The following CNTNAP5 variants were observed in gnomAD, a reference collection of about 807,000 sequenced individuals.
The protein encoded by CNTNAP5 is contactin associated protein family member 5, also known as contactin-associated protein-like 5.
A neutral mutation model predicts 150.2 loss-of-function variants in CNTNAP5; 72 were observed. That is an observed-to-expected ratio of 0.48 (90% CI 0.40 to 0.58). The LOEUF (loss-of-function observed/expected upper bound fraction) is 0.58. Among genes scored for constraint, CNTNAP5 ranks in the 20% least tolerant of loss-of-function variants. The probability of loss-of-function intolerance (pLI) is 0.00; values close to 1 mark genes in which losing one functional copy is unlikely to be tolerated. For missense variants in CNTNAP5, 1,636 were observed against 1,626.2 expected, an observed-to-expected ratio of 1.01 and a Z score of -0.10; for synonymous variants, 672 against 619.8, an observed-to-expected ratio of 1.08 and a Z score of -1.25.
intron 21 of CNTNAP5, among the ~76,000 whole-genome samples, chr2:124,884,016 C>T (rs1172340423): frequency 6.6e-6 from 1 of 152,032 alleles, no homozygotes; most frequent in Non-Finnish European, 1.5e-5. Flanking sequence ...CATGCACGTG[C>T]ATATGTGTAT....
chr2:124,032,191 C>G (rs959904855), intron 1 of CNTNAP5, among the ~76,000 whole-genome samples: 1 of 152,100 alleles, frequency 6.6e-6, no homozygotes, highest in Non-Finnish European at 1.5e-5. Context: ...ATGAGCATCT[C>G]ATACTGGCTG....
chr2:124,317,486 T>G (rs557419504), intron 3 of CNTNAP5, among the ~76,000 whole-genome samples: 1 of 152,276 alleles, frequency 6.6e-6, no homozygotes, highest in East Asian at 1.9e-4. Flanking sequence ...CCTGCCCATC[T>G]AGGCCCTGTC....
chr2:124,266,173 C>T (rs1687602387), intron 3 of CNTNAP5, among the ~76,000 whole-genome samples: 1 of 152,212 alleles, frequency 6.6e-6, no homozygotes, highest in South Asian at 2.1e-4. Context: ...ATGGTAAGGG[C>T]CCATCCAATG....
intron 13 of CNTNAP5, among the ~76,000 whole-genome samples, chr2:124,722,316 G>A (rs1223973177): frequency 6.6e-6 from 1 of 152,036 alleles, no homozygotes; most frequent in Non-Finnish European, 1.5e-5. Context: ...CTAAGTGTGA[G>A]ATCCAAAGTA....
intron 11 of CNTNAP5, among the ~76,000 whole-genome samples, chr2:124,586,093 A>G (rs1214250074): frequency 6.6e-6 from 1 of 152,174 alleles, no homozygotes; most frequent in African/African-American, 2.4e-5. Flanking sequence ...TTCCTATAGT[A>G]GGACTTCTCA....
intron 1 of CNTNAP5, among the ~76,000 whole-genome samples, chr2:124,147,294 G>A (rs1414588841): frequency 1.3e-5 from 2 of 152,100 alleles, no homozygotes; most frequent in East Asian, 3.9e-4. Flanking sequence ...TTCAATGCAT[G>A]TACTATATAT....
At chr2:124,195,003 T>G (rs1460683181) in intron 1 of CNTNAP5, among the ~76,000 whole-genome samples, 1 of 150,450 alleles carries the variant, frequency 6.6e-6, no homozygotes, top group Non-Finnish European at 1.5e-5. Context: ...ACTACACCAA[T>G]AGAAAACTGG....
intron 22 of CNTNAP5, among the ~76,000 whole-genome samples, chr2:124,904,819 T>A (rs966473154): frequency 2.6e-5 from 4 of 151,382 alleles, no homozygotes; most frequent in Non-Finnish European, 4.4e-5. Flanking sequence ...GTCTTGAAAA[T>A]ATATATATAT....
At chr2:124,033,100 G>T (rs1479692866) in intron 1 of CNTNAP5, among the ~76,000 whole-genome samples, 1 of 152,162 alleles carries the variant, frequency 6.6e-6, no homozygotes, top group African/African-American at 2.4e-5. Flanking sequence ...TAATTGATTT[G>T]CTGGCGTAAA....
Position 124,819,891 on chromosome 2 carries a change from C to G in CNTNAP5, c.3217+21571C>G, listed in dbSNP as rs564533058. ...GTGTGTCTCTTTCTTAAAGTTTCTT[C>G]CCTTGGACCCCATGCTTTCTCCATG... On this transcript the variant is annotated intron_variant, in intron 19 of 23. Coordinates refer to ENST00000682447, the MANE Select transcript of CNTNAP5 (RefSeq NM_001367498.1). 3.9e-5 allele frequency among the ~76,000 whole-genome samples: 6 copies of G among 152,290 alleles called. No homozygotes were observed. In the South Asian group the frequency reaches 1.2e-3, roughly 32 times the overall value.
chr2:124,702,558 G>C lies in CNTNAP5; in HGVS notation c.2078-44671G>C, dbSNP rs1266703282. Among the ~76,000 whole-genome samples the C allele has an allele frequency of 3.3e-5, 5 of 151,480 alleles. No individual in the cohort carries two copies. The South Asian group carries it at 1.0e-3, about 32-fold the overall frequency. On this transcript the variant is annotated intron_variant, in intron 13 of 23. Coordinates refer to ENST00000682447, the MANE Select transcript of CNTNAP5 (RefSeq NM_001367498.1). ...CTCTATTGCCTTATTTTATGTCCCTGAGTTTAATAGTGCCAATTCCATGGC... is the reference window on the plus strand; with the variant it reads ...CTCTATTGCCTTATTTTATGTCCCTCAGTTTAATAGTGCCAATTCCATGGC...
chr2:124,269,252 T>G (rs1687685181), intron 3 of CNTNAP5, among the ~76,000 whole-genome samples: 1 of 152,160 alleles, frequency 6.6e-6, no homozygotes, highest in South Asian at 2.1e-4. Flanking sequence ...TCAGGAATCC[T>G]TTTCATAGTA....
intron 3 of CNTNAP5, among the ~76,000 whole-genome samples, chr2:124,290,887 T>C (rs1191615427): frequency 1.6e-5 from 1 of 63,012 alleles, no homozygotes; most frequent in East Asian, 6.0e-4. Context: ...TATTTATTTA[T>C]TTATTTATTT....
chr2:124,042,783 C>CATCTATCTATCT (rs3036301), intron 1 of CNTNAP5, among the ~76,000 whole-genome samples: 1,593 of 148,216 alleles, frequency 0.011, 20 homozygotes, highest in East Asian at 0.018. Context: ...AACTCTCTAT[C>CATCTATCTATCT]ATCTATCTAT....
At chr2:124,127,472 T>C (rs1683734651) in intron 1 of CNTNAP5, among the ~76,000 whole-genome samples, 1 of 152,084 alleles carries the variant, frequency 6.6e-6, no homozygotes, top group South Asian at 2.1e-4. Flanking sequence ...ATCATGAAAA[T>C]GGCCATACTG....
In CNTNAP5 at chr2:124,747,245, C is replaced by G; in HGVS notation, c.2094C>G (p.Thr698=). The G allele has an allele frequency of 1.1e-5, 18 of 1,613,420 alleles. No homozygotes were observed. The highest frequency in any genetic ancestry group is 1.5e-5 in the Non-Finnish European group (18 of 1,179,596). Residue 698 remains threonine (T), a synonymous_variant, in exon 14 of 24, where the codon ACC becomes ACG. Coordinates refer to ENST00000682447, the MANE Select transcript of CNTNAP5 (RefSeq NM_001367498.1). ...LLNTPDGTPF[T]WWIGRSNERH... ...GTCTTCCAGATGGAACACCATTTACCTGGTGGATTGGGCGGTCCAATGAAA... is the reference window on the plus strand; with the variant it reads ...GTCTTCCAGATGGAACACCATTTACGTGGTGGATTGGGCGGTCCAATGAAA...
intron 10 of CNTNAP5, among the ~76,000 whole-genome samples, chr2:124,533,018 G>A (rs1248253519): frequency 6.6e-6 from 1 of 152,008 alleles, no homozygotes; most frequent in Non-Finnish European, 1.5e-5. Context: ...TGATTCCCAT[G>A]TGAATATTTC....
chr2:124,780,854 T>C (rs1468269523), intron 17 of CNTNAP5, among the ~76,000 whole-genome samples: 1 of 152,266 alleles, frequency 6.6e-6, no homozygotes, highest in Non-Finnish European at 1.5e-5. Context: ...TGACCTTCTC[T>C]TGGTCTGGAC....
At chr2:124,707,514 A>G (rs548828560) in intron 13 of CNTNAP5, among the ~76,000 whole-genome samples, 2 of 146,654 alleles carry the variant, frequency 1.4e-5, no homozygotes, top group Non-Finnish European at 3.1e-5. Context: ...AGTTTTAAGG[A>G]AAAAAAATCC....
Sources: gnomAD v4.1 joint callset for allele counts (sites outside exome capture counted in the v4.1 genomes callset) on GRCh38, gnomAD v4.1.1 for gene constraint, MANE v1.5 for transcripts, NCBI Gene and HGNC (gene_info 2026-07-23, HGNC 2026-07-21) for gene names.